IFT140: variants seen among roughly 807,000 people sequenced by gnomAD.
IFT140 encodes intraflagellar transport 140.
Under a neutral mutation model 164.6 loss-of-function variants are expected in IFT140, and 133 were observed. That is an observed-to-expected ratio of 0.81 (90% confidence interval 0.70 to 0.93). IFT140 has a LOEUF of 0.93. Ranked by LOEUF, IFT140 falls within the 40% of genes least tolerant of loss-of-function variation. The probability of loss-of-function intolerance (pLI) is 0.00; values close to 1 mark genes in which losing one functional copy is unlikely to be tolerated. For synonymous variants in IFT140, 860 were observed against 817.3 expected (o/e 1.05, Z -0.89); for missense variants, 2,045 against 1,972.3 (o/e 1.04, Z -0.70).
At position 1,551,833 on chromosome 16, in the gene IFT140, T is replaced by C. The variant is rs2032666402; in HGVS notation, c.2399+6102A>G. 6.6e-6 allele frequency among the ~76,000 whole-genome samples: 1 copy of C among 152,156 alleles called. No homozygotes were observed. The highest frequency in any genetic ancestry group is 1.5e-5 in the Non-Finnish European group (1 of 68,018). On this transcript the variant is annotated intron_variant, in intron 19 of 30. Transcript: ENST00000426508. The surrounding 1 kb of genome is among the most constrained non-coding windows in gnomAD (Gnocchi z 4.0). ...TCCCACCCGGGCTGGTTGCCCTGTG[T>C]TGCCTTAGAGTTTTCTTCCCGAGGT...
In IFT140 at chr16:1,533,883, G is replaced by A. The variant is rs1303184457; in HGVS notation, c.2400-7087C>T. On this transcript the variant is annotated intron_variant, in intron 19 of 30. Transcript: ENST00000426508. The surrounding 1 kb of genome is among the most constrained non-coding windows in gnomAD (Gnocchi z 4.7). ...GTGCTAAGGAGTGTGGCGCGGGCTC[G>A]ACTCCCACTGCTGCCGGCCTCCCGA... is the stretch of plus-strand genomic sequence containing the variant. 33 of 281,934 alleles carry A rather than the reference G, an allele frequency of 1.2e-4. No individual in the cohort carries two copies. Among genetic ancestry groups the A allele is most frequent in the Non-Finnish European group, 1.3e-5 (2 of 148,296 alleles). The allele number at this position is 281,934 out of a possible 1,614,324, so 17.5% of individuals were successfully genotyped here.
At chr16:1,526,426 C>CCGG in intron 20 of IFT140, 193 bp downstream of exon 20, 1 of 642,366 alleles carries the variant, frequency 1.6e-6, no homozygotes, top group Non-Finnish European at 2.6e-6. Context: ...CCCTGGAGAG[C>CCGG]CGGCGGTCGC....
rs367948949 is a variant in IFT140, at chr16:1,588,040, A to G, written c.811-16T>C. ...TCAGCTTGACCTGTGTGAGGAAACA[A>G]CCGAGCAGAGGCACCGTGCTTGCTG... On this transcript the variant is annotated splice_polypyrimidine_tract_variant and intron_variant, in intron 7 of 30. Coordinates refer to ENST00000426508, the MANE Select transcript of IFT140 (RefSeq NM_014714.4). 9.9e-6 allele frequency: 16 copies of G among 1,611,590 alleles called. No individual in the cohort carries two copies. The African/African-American group carries it at 1.9e-4, about 19-fold the overall frequency.
At chr16:1,585,871 C>T (rs28608068) in intron 10 of IFT140, among the ~76,000 whole-genome samples, 11,931 of 150,766 alleles carry the variant, frequency 0.079, 559 homozygotes, top group African/African-American at 0.12. Context: ...CCTGGGTTCA[C>T]GACATTCTCC....
chr16:1,538,280 T>C (rs901023879), intron 19 of IFT140, among the ~76,000 whole-genome samples: 2 of 152,024 alleles, frequency 1.3e-5, no homozygotes, highest in African/African-American at 4.8e-5. Context: ...GCCCCTGCCA[T>C]GGTGTGTGGC....
intron 19 of IFT140, among the ~76,000 whole-genome samples, chr16:1,527,500 G>C (rs1383374349): frequency 6.6e-6 from 1 of 152,200 alleles, no homozygotes; most frequent in Non-Finnish European, 1.5e-5. Flanking sequence ...GTGTGTGAAG[G>C]AACAGGGTGC....
chr16:1,517,489 T>G (rs1265580946), intron 30 of IFT140, among the ~76,000 whole-genome samples: 8 of 152,046 alleles, frequency 5.3e-5, no homozygotes, highest in Non-Finnish European at 1.0e-4. Flanking sequence ...CCAGAAAATG[T>G]GAATTTAAAC....
intron 19 of IFT140, among the ~76,000 whole-genome samples, chr16:1,527,293 C>T (rs1406626796): frequency 3.3e-5 from 5 of 152,188 alleles, no homozygotes; most frequent in Non-Finnish European, 5.9e-5. Context: ...CAGACCCTGA[C>T]CCAGCCCTGG....
At chr16:1,534,625 G>C in intron 19 of IFT140, 1 of 1,589,106 alleles carries the variant, frequency 6.3e-7, no homozygotes, top group East Asian at 2.2e-5. Flanking sequence ...GATGTTAGGC[G>C]CGGACCTGGT....
At chr16:1,569,300 G>A (rs1175647941) in intron 14 of IFT140, among the ~76,000 whole-genome samples, 3 of 152,022 alleles carry the variant, frequency 2.0e-5, no homozygotes, top group East Asian at 1.9e-4. Flanking sequence ...GAGCCACCGC[G>A]CTCGGCCGTG....
rs898824836 is a variant in IFT140, at chr16:1,587,221, C to T, written c.986G>A (p.Cys329Tyr). The T allele has an allele frequency of 6.2e-7, 1 of 1,610,564 alleles. No individual in the cohort carries two copies. The highest frequency in any genetic ancestry group is 8.5e-7 in the Non-Finnish European group (1 of 1,176,750). ...ACCTTTGACTTTACAGTAACACACA[C>T]AGTTCATATTCTCTCCTTTCTCAAA... ...FGFEKGENMN[C>Y]VCYCKVKGLL... The change falls in exon 9 of 31, where the codon TGT (cysteine) becomes TAT (tyrosine). Residue 329 changes from cysteine to tyrosine, a missense_variant. Physicochemically the swap from Cys to Tyr is radical, Grantham distance 194 (BLOSUM62 -2). Transcript: ENST00000426508.
At chr16:1,588,263 T>A (rs1254459864) in intron 7 of IFT140, among the ~76,000 whole-genome samples, 1 of 152,176 alleles carries the variant, frequency 6.6e-6, no homozygotes, top group Non-Finnish European at 1.5e-5. Context: ...CAGTGGCTCA[T>A]GCCTGTAATC....
chr16:1,526,326 C>A (rs1194954572), intron 20 of IFT140: 5 of 585,410 alleles, frequency 8.5e-6, no homozygotes, highest in Non-Finnish European at 3.0e-6. Context: ...CCCCCTCCCA[C>A]AGCCTCCCCA....
chr16:1,546,234 G>A (rs1228111819), intron 19 of IFT140, among the ~76,000 whole-genome samples: 1 of 152,196 alleles, frequency 6.6e-6, no homozygotes, highest in Admixed American at 6.5e-5. Flanking sequence ...GGCACCTGAC[G>A]CCTGAGTGGC....
intron 3 of IFT140, chr16:1,604,391 G>A (rs1214831590): frequency 6.6e-6 from 1 of 151,566 alleles, no homozygotes; most frequent in Admixed American, 6.6e-5. Context: ...TACAAAAATG[G>A]ATGAAGGAGT....
At chr16:1,580,686 C>T (rs2034510019) in intron 13 of IFT140, 73 bp downstream of exon 13, 6 of 999,502 alleles carry the variant, frequency 6.0e-6, no homozygotes, top group South Asian at 3.9e-5. Flanking sequence ...AATCAATAAA[C>T]AGGCTTTGTC....
chr16:1,526,431 G>A (rs750252238), intron 20 of IFT140, 188 bp downstream of exon 20: 34 of 655,192 alleles, frequency 5.2e-5, no homozygotes, highest in South Asian at 1.2e-4. Flanking sequence ...GAGAGCCGGC[G>A]GTCGCCTAGC....
intron 10 of IFT140, among the ~76,000 whole-genome samples, chr16:1,585,299 T>C (rs543099048): frequency 1.0e-3 from 158 of 152,252 alleles, no homozygotes; most frequent in African/African-American, 3.7e-3. Context: ...CTCAGCTCAG[T>C]GGGAGCAGCC....
chr16:1,562,601 G>A (rs1218902945), intron 17 of IFT140, among the ~76,000 whole-genome samples: 4 of 152,130 alleles, frequency 2.6e-5, no homozygotes, highest in Non-Finnish European at 4.4e-5. Flanking sequence ...ATGAAACCCC[G>A]TCTCTACTAA....
Sources: allele counts gnomAD v4.1 joint callset (sites outside exome capture counted in the v4.1 genomes callset), GRCh38; gene constraint gnomAD v4.1.1; non-coding constraint Gnocchi (gnomAD v3.1); transcripts MANE v1.5; gene names NCBI Gene and HGNC (gene_info 2026-07-23, HGNC 2026-07-21).